The following PLXDC2 variants were observed in gnomAD, a reference collection of about 807,000 sequenced individuals.
PLXDC2 encodes the protein plexin domain-containing protein 2.
In PLXDC2, 40 loss-of-function variants were observed where a neutral mutation model predicts 68.9. That is an observed-to-expected ratio of 0.58 (90% CI 0.45 to 0.76). The LOEUF (loss-of-function observed/expected upper bound fraction) is 0.76. Among genes scored for constraint, PLXDC2 ranks in the 30% least tolerant of loss-of-function variants. PLXDC2 has a pLI of 0.00. For synonymous variants in PLXDC2, 243 were observed against 234.2 expected (o/e 1.04, Z -0.34); for missense variants, 644 against 661.9 (o/e 0.97, Z 0.30).
intron 2 of PLXDC2, among the ~76,000 whole-genome samples, chr10:20,025,527 G>T (rs1403138405): frequency 6.6e-6 from 1 of 152,088 alleles, no homozygotes; most frequent in African/African-American, 2.4e-5. Context: ...CTCCCAAAGT[G>T]CTGGGATTAC....
At chr10:19,863,759 T>C (rs1042026274) in intron 1 of PLXDC2, among the ~76,000 whole-genome samples, 12 of 152,188 alleles carry the variant, frequency 7.9e-5, no homozygotes, top group Non-Finnish European at 1.5e-4. Context: ...GTATGTTGGA[T>C]GAGAGAGAGT....
At chr10:19,969,512 C>T (rs896263036) in intron 1 of PLXDC2, among the ~76,000 whole-genome samples, 14 of 152,072 alleles carry the variant, frequency 9.2e-5, no homozygotes, top group African/African-American at 3.1e-4. Context: ...TGTCCAAAAT[C>T]GATATTTTCA....
intron 9 of PLXDC2, among the ~76,000 whole-genome samples, chr10:20,189,674 T>G (rs1834738683): frequency 6.6e-6 from 1 of 150,914 alleles, no homozygotes; most frequent in African/African-American, 2.4e-5. Context: ...CTGCATAACT[T>G]TCCTCTGGAA....
intron 1 of PLXDC2, among the ~76,000 whole-genome samples, chr10:19,988,864 C>G (rs1055258413): frequency 5.6e-5 from 7 of 124,846 alleles, no homozygotes; most frequent in African/African-American, 2.1e-4. Flanking sequence ...GGCGCCATCT[C>G]TGCTCACTGC....
intron 12 of PLXDC2, among the ~76,000 whole-genome samples, chr10:20,231,985 G>T (rs1035720927): frequency 3.4e-5 from 5 of 149,030 alleles, no homozygotes; most frequent in African/African-American, 4.9e-5. Context: ...CAACCTGGGT[G>T]ACAGAACAGG....
intron 7 of PLXDC2, among the ~76,000 whole-genome samples, chr10:20,171,500 A>G (rs923311876): frequency 6.6e-5 from 10 of 152,192 alleles, no homozygotes; most frequent in African/African-American, 1.9e-4. Context: ...GTAACTACTC[A>G]TAAAACACTT....
At chr10:19,968,930 A>G (rs1166008827) in intron 1 of PLXDC2, among the ~76,000 whole-genome samples, 1 of 152,162 alleles carries the variant, frequency 6.6e-6, no homozygotes, top group Non-Finnish European at 1.5e-5. Flanking sequence ...TCCCTGGGGG[A>G]CCTGGCATCT....
At chr10:19,894,861 T>C (rs1838029752) in intron 1 of PLXDC2, among the ~76,000 whole-genome samples, 1 of 152,154 alleles carries the variant, frequency 6.6e-6, no homozygotes, top group South Asian at 2.1e-4. Context: ...TTGTGGAAGA[T>C]AGTGTGGCGA....
Position 20,233,610 on chromosome 10 carries a change from T to G in PLXDC2, c.1313-11735T>G, listed in dbSNP as rs1048956202. Among the ~76,000 whole-genome samples the G allele has an allele frequency of 2.0e-5, 3 of 152,130 alleles. No individual in the cohort carries two copies. The South Asian group carries it at 6.2e-4, about 32-fold the overall frequency. ...GTAATTTGTTCATAGTCACATGGTT[T>G]CTAAGGAATGTAGCTGGTCTATAGC... On this transcript the variant is annotated intron_variant, in intron 12 of 13. Coordinates refer to ENST00000377252, the MANE Select transcript of PLXDC2 (RefSeq NM_032812.9).
chr10:19,993,764 G>A (rs748655393), intron 1 of PLXDC2, among the ~76,000 whole-genome samples: 29 of 152,130 alleles, frequency 1.9e-4, no homozygotes, highest in South Asian at 2.1e-4. Flanking sequence ...GGATTTTCCC[G>A]TTCTGTTTCG....
intron 4 of PLXDC2, among the ~76,000 whole-genome samples, chr10:20,093,641 G>GA (rs1833310377): frequency 1.3e-5 from 2 of 152,120 alleles, no homozygotes; most frequent in South Asian, 4.1e-4. Flanking sequence ...CTGCATGAGA[G>GA]AAAATAGCTA....
chr10:20,188,353 G>A (rs911392840), intron 9 of PLXDC2, among the ~76,000 whole-genome samples: 3 of 151,420 alleles, frequency 2.0e-5, no homozygotes, highest in South Asian at 4.2e-4. Context: ...GAGAACATGC[G>A]GTACTCATCT....
At chr10:20,074,616 C>CT (rs34492007) in intron 4 of PLXDC2, among the ~76,000 whole-genome samples, 2 of 152,054 alleles carry the variant, frequency 1.3e-5, no homozygotes, top group Non-Finnish European at 2.9e-5. Flanking sequence ...CTCCCTGCTC[C>CT]TTTTTTGTTC....
At chr10:20,249,264 C>G (rs1200899598) in intron 13 of PLXDC2, among the ~76,000 whole-genome samples, 2 of 152,194 alleles carry the variant, frequency 1.3e-5, no homozygotes, top group African/African-American at 4.8e-5. Flanking sequence ...GAGAGCCTAA[C>G]ATGTGCCTAG....
intron 1 of PLXDC2, among the ~76,000 whole-genome samples, chr10:19,934,133 A>G (rs1224459549): frequency 2.0e-5 from 3 of 152,226 alleles, no homozygotes; most frequent in African/African-American, 7.2e-5. Context: ...ATTACCTTAT[A>G]CAATCACTGT....
rs189711601 is a variant in PLXDC2, at chr10:20,001,678, G to A, written c.113-97G>A. On this transcript the variant is annotated intron_variant, in intron 1 of 13. Transcript: ENST00000377252. ...TGTTACAAGTTAGTTTCCTATTCTCGTGCCTCACAGAATTCTTTTTTCTTC... is the reference window on the plus strand; with the variant it reads ...TGTTACAAGTTAGTTTCCTATTCTCATGCCTCACAGAATTCTTTTTTCTTC... 5.1e-5 allele frequency: 54 copies of A among 1,058,752 alleles called. No homozygotes were observed. The East Asian group carries it at 1.2e-3, about 23-fold the overall frequency. 65.6% of individuals were successfully genotyped at this position (1,058,752 alleles called of 1,614,324 possible).
At chr10:20,039,254 C>A (rs1037086398) in intron 2 of PLXDC2, among the ~76,000 whole-genome samples, 1 of 152,146 alleles carries the variant, frequency 6.6e-6, no homozygotes, top group African/African-American at 2.4e-5. Context: ...GGTGATGTTT[C>A]TATAAAACAC....
chr10:20,146,518 T>TCCTTCCTTCCTTCCTTCCTTCCTTCCTC (rs1217081598), intron 5 of PLXDC2, among the ~76,000 whole-genome samples: 16 of 115,618 alleles, frequency 1.4e-4, no homozygotes, highest in Non-Finnish European at 1.3e-4. Flanking sequence ...CTTCCTTCCT[T>TCCTTCCTTCCTTCCTTCCTTCCTTCCTC]CCTCCCTCCC....
chr10:19,817,730 G>C (rs1443204494), intron 1 of PLXDC2, among the ~76,000 whole-genome samples: 1 of 152,232 alleles, frequency 6.6e-6, no homozygotes, highest in Non-Finnish European at 1.5e-5. Flanking sequence ...GCTGGAAGGG[G>C]GGCGGGGTAA....
Sources: allele counts gnomAD v4.1 joint callset (sites outside exome capture counted in the v4.1 genomes callset), GRCh38; gene constraint gnomAD v4.1.1; transcripts MANE v1.5; gene names NCBI Gene and HGNC (gene_info 2026-07-23, HGNC 2026-07-21).